The following SHB variants were observed in gnomAD, a reference collection of about 807,000 sequenced individuals.
SHB encodes SH2 domain-containing adapter protein B.
SHB carries 20 observed loss-of-function variants against 52.3 expected under a neutral mutation model. That is an observed-to-expected ratio of 0.38 (90% CI 0.27 to 0.56). The LOEUF is 0.56. Among genes scored for constraint, SHB ranks in the 20% least tolerant of loss-of-function variants. The probability of loss-of-function intolerance (pLI) is 0.71; values close to 1 mark genes in which losing one functional copy is unlikely to be tolerated. For synonymous variants in SHB, 397 were observed against 316.5 expected (o/e 1.25, Z -2.70); for missense variants, 825 against 723.3 (o/e 1.14, Z -1.61).
At chr9:37,969,949 T>G (rs115727837) in intron 3 of SHB, among the ~76,000 whole-genome samples, 1 of 152,244 alleles carries the variant, frequency 6.6e-6, no homozygotes, top group African/African-American at 2.4e-5. Flanking sequence ...CTGGCCTTGC[T>G]GGTTGCTGTA....
rs575306344 is a variant in SHB, at chr9:37,959,663, C to A, written c.1055-3609G>T. On this transcript the variant is annotated intron_variant, in intron 3 of 5. Transcript: ENST00000377707. ...AACATGATTGTGGAGGGAGCCCAAG[C>A]TTTTCGGCACAACCCAAAAGGCTCT... Among the ~76,000 whole-genome samples, 8 of 152,290 alleles carry A rather than the reference C, an allele frequency of 5.3e-5. 1 individual carries two copies. The East Asian group carries it at 1.5e-3, about 29-fold the overall frequency.
At chr9:37,999,902 C>T (rs1017096788) in intron 2 of SHB, among the ~76,000 whole-genome samples, 1 of 152,244 alleles carries the variant, frequency 6.6e-6, no homozygotes, top group Non-Finnish European at 1.5e-5. Context: ...TCATGACTCT[C>T]TCCACTAGTC....
chr9:38,050,958 A>C (rs1489606830), intron 1 of SHB, among the ~76,000 whole-genome samples: 1 of 152,204 alleles, frequency 6.6e-6, no homozygotes, highest in Non-Finnish European at 1.5e-5. Context: ...CTTTTACTAC[A>C]AACTGCTTAT....
intron 1 of SHB, among the ~76,000 whole-genome samples, chr9:38,022,035 G>A (rs1011787185): frequency 1.4e-4 from 21 of 152,176 alleles, no homozygotes; most frequent in African/African-American, 3.4e-4. Flanking sequence ...AAAGCAAACC[G>A]CATATGAATG....
At chr9:38,030,339 A>C (rs2118112435) in intron 1 of SHB, among the ~76,000 whole-genome samples, 1 of 152,222 alleles carries the variant, frequency 6.6e-6, no homozygotes, top group East Asian at 1.9e-4. Flanking sequence ...GCCCAGATAA[A>C]CACCACCTGC....
At chr9:38,021,736 A>AC (rs932382955) in intron 1 of SHB, among the ~76,000 whole-genome samples, 2 of 151,446 alleles carry the variant, frequency 1.3e-5, no homozygotes, top group African/African-American at 4.9e-5. Context: ...CGAGTGGCCC[A>AC]CACTGTCCCT....
intron 2 of SHB, among the ~76,000 whole-genome samples, chr9:37,980,173 A>T (rs1406896528): frequency 6.6e-6 from 1 of 152,210 alleles, no homozygotes; most frequent in Non-Finnish European, 1.5e-5. Context: ...TCCTTTCACG[A>T]AAGATTTCTC....
chr9:37,956,097 C>G, intron 3 of SHB, 43 bp from the exon 4 acceptor site: 2 of 1,536,728 alleles, frequency 1.3e-6, no homozygotes, highest in Non-Finnish European at 1.8e-6. Flanking sequence ...AGAGCTCAGC[C>G]CAGGGAGCTA....
intron 2 of SHB, among the ~76,000 whole-genome samples, chr9:37,990,417 T>A (rs762875757): frequency 6.6e-6 from 1 of 151,988 alleles, no homozygotes; most frequent in African/African-American, 2.4e-5. Context: ...ACTTAACACA[T>A]CCCCTGTGAT....
intron 5 of SHB, among the ~76,000 whole-genome samples, chr9:37,939,718 C>A (rs1281850753): frequency 6.6e-6 from 1 of 152,146 alleles, no homozygotes; most frequent in Non-Finnish European, 1.5e-5. Flanking sequence ...TCCGAGAGAC[C>A]CCACAAGGTA....
intron 5 of SHB, among the ~76,000 whole-genome samples, chr9:37,932,273 CAAAAAAA>C (rs56281324): frequency 1.8e-3 from 100 of 56,720 alleles, no homozygotes; most frequent in African/African-American, 6.8e-3. Flanking sequence ...AACTCCATCT[CAAAAAAA>C]AAAAAAAAAA....
intron 3 of SHB, among the ~76,000 whole-genome samples, chr9:37,959,986 G>A (rs1832676951): frequency 6.6e-6 from 1 of 151,726 alleles, no homozygotes; most frequent in African/African-American, 2.4e-5. Context: ...TAGCTTTATT[G>A]GGAAAAAAAA....
intron 2 of SHB, among the ~76,000 whole-genome samples, chr9:37,982,308 C>T (rs1820737496): frequency 6.6e-6 from 1 of 151,790 alleles, no homozygotes; most frequent in Non-Finnish European, 1.5e-5. Context: ...GCCTGGCCAA[C>T]ATGGTAAAAC....
Position 37,926,896 on chromosome 9 carries a change from GCCCAGGCAGAT to G in SHB, c.1347-6903_1347-6893del, listed in dbSNP as rs779571523. 4.1e-4 allele frequency among the ~76,000 whole-genome samples: 63 copies of G among 152,302 alleles called. No homozygotes were observed. The South Asian group carries it at 6.4e-3, about 16-fold the overall frequency. On this transcript the variant is annotated intron_variant, in intron 5 of 5. Coordinates refer to ENST00000377707, the MANE Select transcript of SHB (RefSeq NM_003028.3). ...TCTGTGGTCCAATTACTCACCCAGA[GCCCAGGCAGAT>G]CCCACTCACACAGGGCCTGGCCTAC...
At chr9:37,920,648 T>G (rs1301595604) in intron 5 of SHB, among the ~76,000 whole-genome samples, 6 of 152,258 alleles carry the variant, frequency 3.9e-5, no homozygotes, top group Non-Finnish European at 8.8e-5. Flanking sequence ...CCTGCCCTTC[T>G]TTATAAACCC....
At chr9:37,978,078 T>C (rs1029157652) in intron 2 of SHB, among the ~76,000 whole-genome samples, 1 of 152,216 alleles carries the variant, frequency 6.6e-6, no homozygotes, top group African/African-American at 2.4e-5. Context: ...AAATTCCAGA[T>C]ACTTTATGAA....
At chr9:37,980,432 T>C (rs1820710920) in intron 2 of SHB, among the ~76,000 whole-genome samples, 1 of 152,256 alleles carries the variant, frequency 6.6e-6, no homozygotes, top group African/African-American at 2.4e-5. Context: ...ATTCCTGCAA[T>C]TCAGTTACAT....
intron 3 of SHB, among the ~76,000 whole-genome samples, chr9:37,970,275 CTCTCTGAA>C (rs999022346): frequency 1.3e-5 from 2 of 152,224 alleles, no homozygotes; most frequent in Non-Finnish European, 2.9e-5. Flanking sequence ...TCACCAACAA[CTCTCTGAA>C]TCCTTAATTA....
chr9:38,024,643 C>G (rs952872987), intron 1 of SHB, among the ~76,000 whole-genome samples: 1 of 152,230 alleles, frequency 6.6e-6, no homozygotes. Context: ...GCTCCACCCT[C>G]TGTTTACCCC....
Sources: allele counts gnomAD v4.1 joint callset (sites outside exome capture counted in the v4.1 genomes callset), GRCh38; gene constraint gnomAD v4.1.1; transcripts MANE v1.5; gene names NCBI Gene and HGNC (gene_info 2026-07-23, HGNC 2026-07-21).